MAP2: variants seen among roughly 807,000 people sequenced by gnomAD.
The protein encoded by MAP2 is microtubule-associated protein 2.
MAP2 carries 14 observed loss-of-function variants against 137.6 expected under a neutral mutation model. The ratio of observed to expected loss-of-function variants is 0.10; its 90% CI spans 0.07 to 0.16. The LOEUF is 0.16. Among genes scored for constraint, MAP2 ranks in the 10% least tolerant of loss-of-function variants. The probability of loss-of-function intolerance (pLI) is 1.00; values close to 1 mark genes in which losing one functional copy is unlikely to be tolerated. For missense variants in MAP2, 2,088 were observed against 2,191.5 expected (o/e 0.95, Z 0.94); for synonymous variants, 786 against 782.3 (o/e 1.00, Z -0.08).
chr2:209,482,070 G>C (rs936355636), intron 1 of MAP2, among the ~76,000 whole-genome samples: 2 of 152,110 alleles, frequency 1.3e-5, no homozygotes, highest in Admixed American at 6.5e-5. Flanking sequence ...ACTAGGAAAA[G>C]CTGGGATGAT....
rs2060103613 is a variant in MAP2 at position 209,696,085 on chromosome 2, G to A, written c.3915G>A (p.Gly1305=). Residue 1305 remains glycine (G), a synonymous_variant, in exon 8 of 16, where the codon GGG becomes GGA. Transcript: ENST00000682079. ...CCACAACTGATGAAGGGGAGTCAGG[G>A]TCCCACAGCGTGCGTTTTGCAGCCC... ...VQTTTDEGES[G]SHSVRFAALE... 14 of 1,614,046 alleles carry A rather than the reference G, an allele frequency of 8.7e-6. No individual in the cohort carries two copies. The highest frequency in any genetic ancestry group is 1.2e-5 in the Non-Finnish European group (14 of 1,179,992).
At chr2:209,626,645 A>G (rs2153535825) in intron 4 of MAP2, among the ~76,000 whole-genome samples, 1 of 152,314 alleles carries the variant, frequency 6.6e-6, no homozygotes, top group East Asian at 1.9e-4. Flanking sequence ...TAAGAAACAA[A>G]TGTTGAACAA....
At chr2:209,640,880 C>T (rs199962968) in intron 4 of MAP2, among the ~76,000 whole-genome samples, 9 of 137,386 alleles carry the variant, frequency 6.6e-5, no homozygotes, top group South Asian at 4.6e-4. Flanking sequence ...ATTATCTATT[C>T]TTTTTTTTTT....
chr2:209,692,885 C>G lies in MAP2; in HGVS notation c.715C>G (p.Gln239Glu). 6.2e-7 allele frequency: 1 copy of G among 1,614,006 alleles called. No homozygotes were observed. The highest frequency in any genetic ancestry group is 8.5e-7 in the Non-Finnish European group (1 of 1,179,964). Reference protein sequence around the residue: ...TLVASLEDMKQKTEPSLVVPG... With the variant: ...TLVASLEDMKEKTEPSLVVPG... ...TGTTGCCAGCCTGGAAGACATGAAA[C>G]AGAAGACAGAACCAAGCCTTGTAGT... is the stretch of plus-strand genomic sequence containing the variant. Residue 239 changes from glutamine to glutamate, a missense_variant, in exon 8 of 16, where the codon CAG becomes GAG. Gln to Glu is a conservative substitution (Grantham distance 29). Transcript: ENST00000682079.
At chr2:209,715,190 CT>C (rs2067052097) in intron 13 of MAP2, among the ~76,000 whole-genome samples, 1 of 151,692 alleles carries the variant, frequency 6.6e-6, no homozygotes, top group African/African-American at 2.4e-5. Context: ...TTAAATAATT[CT>C]AAAAATTAAG....
chr2:209,607,734 C>T (rs1326436839), intron 3 of MAP2, among the ~76,000 whole-genome samples: 3 of 152,222 alleles, frequency 2.0e-5, no homozygotes, highest in African/African-American at 7.2e-5. Flanking sequence ...TGTGCCCGGC[C>T]TGAATATTAA....
At chr2:209,698,250 C>G (rs747120249) in intron 10 of MAP2, among the ~76,000 whole-genome samples, 10 of 152,072 alleles carry the variant, frequency 6.6e-5, no homozygotes, top group Non-Finnish European at 1.3e-4. Flanking sequence ...CATAAAAACC[C>G]CTACAAATAT....
chr2:209,670,148 T>A (rs945541796), intron 5 of MAP2, among the ~76,000 whole-genome samples: 3 of 152,064 alleles, frequency 2.0e-5, no homozygotes, highest in Non-Finnish European at 1.5e-5. Flanking sequence ...TATTGAAAAT[T>A]TCAGGGGAGC....
rs10165938 is a variant in MAP2, at chr2:209,655,479, G to A, written c.262+2047G>A. Among the ~76,000 whole-genome samples, 992 of 152,282 alleles carry A rather than the reference G, an allele frequency of 6.5e-3. 8 individuals carry two copies. Among genetic ancestry groups the A allele is most frequent in the African/African-American group, 0.023 (938 of 41,560 alleles). On this transcript the variant is annotated intron_variant, in intron 5 of 15. Coordinates refer to ENST00000682079, the MANE Select transcript of MAP2 (RefSeq NM_001375505.1). ...ATAATATCTTTTCATGTCTACAGAG[G>A]ATGTTCCAGTGATGAGTTAATATGC... is the stretch of plus-strand genomic sequence containing the variant.
At chr2:209,628,610 A>C (rs1191038588) in intron 4 of MAP2, among the ~76,000 whole-genome samples, 2 of 152,124 alleles carry the variant, frequency 1.3e-5, no homozygotes, top group Non-Finnish European at 2.9e-5. Context: ...TTATCTTTTA[A>C]AAACATCTTA....
chr2:209,426,426 T>A (rs929823136), intron 1 of MAP2, among the ~76,000 whole-genome samples: 2 of 152,214 alleles, frequency 1.3e-5, no homozygotes, highest in Admixed American at 6.5e-5. Flanking sequence ...TCTTCTATAC[T>A]GCCATAGGAG....
chr2:209,594,062 C>G (rs1023348193), intron 3 of MAP2, among the ~76,000 whole-genome samples: 1 of 142,998 alleles, frequency 7.0e-6, no homozygotes, highest in Non-Finnish European at 1.5e-5. Flanking sequence ...ACGAGAGGAT[C>G]ACTGGAGCCC....
intron 3 of MAP2, among the ~76,000 whole-genome samples, chr2:209,591,843 T>C (rs1402406431): frequency 6.6e-6 from 1 of 152,186 alleles, no homozygotes; most frequent in Non-Finnish European, 1.5e-5. Flanking sequence ...CCTCTATTTG[T>C]TAGGTTATTA....
chr2:209,584,326 G>A (rs893102115), intron 3 of MAP2, among the ~76,000 whole-genome samples: 1 of 152,032 alleles, frequency 6.6e-6, no homozygotes, highest in Non-Finnish European at 1.5e-5. Flanking sequence ...ACAAACATTA[G>A]CAAAGGAATC....
chr2:209,448,062 G>A (rs976860803), intron 1 of MAP2, among the ~76,000 whole-genome samples: 4 of 152,016 alleles, frequency 2.6e-5, no homozygotes, highest in African/African-American at 9.7e-5. Context: ...TTGAAAGCAC[G>A]GCCTTAATGT....
chr2:209,436,482 C>T (rs1211111092), intron 1 of MAP2, among the ~76,000 whole-genome samples: 4 of 151,668 alleles, frequency 2.6e-5, no homozygotes, highest in Admixed American at 6.6e-5. Context: ...AAGTGACAGT[C>T]CCATTTGACC....
intron 1 of MAP2, among the ~76,000 whole-genome samples, chr2:209,495,671 G>T (rs1278614486): frequency 6.6e-6 from 1 of 152,180 alleles, no homozygotes; most frequent in Non-Finnish European, 1.5e-5. Context: ...TTTCTCCTAG[G>T]AATAAAAATA....
intron 1 of MAP2, among the ~76,000 whole-genome samples, chr2:209,445,989 A>G (rs532845046): frequency 1.3e-5 from 2 of 151,828 alleles, no homozygotes; most frequent in South Asian, 4.1e-4. Flanking sequence ...CCATCACAAG[A>G]TTTATCTGCA....
At chr2:209,445,851 C>CT in intron 1 of MAP2, among the ~76,000 whole-genome samples, 1 of 151,568 alleles carries the variant, frequency 6.6e-6, no homozygotes, top group Non-Finnish European at 1.5e-5. Flanking sequence ...CAGCTCTTTT[C>CT]TTTTTGTCCA....
Sources: gnomAD v4.1 joint callset for allele counts (sites outside exome capture counted in the v4.1 genomes callset) on GRCh38, gnomAD v4.1.1 for gene constraint, MANE v1.5 for transcripts, NCBI Gene and HGNC (gene_info 2026-07-23, HGNC 2026-07-21) for gene names.